Variants in DYRK3 observed in about 807,000 individuals in gnomAD.
The protein encoded by DYRK3 is dual specificity tyrosine phosphorylation regulated kinase 3.
A neutral mutation model predicts 40.8 loss-of-function variants in DYRK3; 30 were observed. The ratio of observed to expected loss-of-function variants is 0.74; its 90% CI spans 0.55 to 1.00. DYRK3 has a LOEUF of 1.00. DYRK3 is among the 50% of genes least tolerant of loss of function. The pLI is 0.00. For missense variants in DYRK3, 699 were observed against 731.5 expected, an observed-to-expected ratio of 0.96 and a Z score of 0.51; for synonymous variants, 272 against 260.7, an observed-to-expected ratio of 1.04 and a Z score of -0.42.
chr1:206,635,979 G>T lies in DYRK3; in HGVS notation c.77+199G>T, dbSNP rs1553418254. On this transcript the variant is annotated intron_variant, in intron 1 of 2. Coordinates refer to ENST00000367109, the MANE Select transcript of DYRK3 (RefSeq NM_003582.4). ...CCCCCATCCCTGTCTCACCGGGCGCGGGGGACGGGGCTAGAGCGGAGTTAG... is the reference window on the plus strand; with the variant it reads ...CCCCCATCCCTGTCTCACCGGGCGCTGGGGACGGGGCTAGAGCGGAGTTAG... The T allele has an allele frequency of 1.0e-5, 14 of 1,341,716 alleles. No individual in the cohort carries two copies. The South Asian group carries it at 2.6e-4, about 25-fold the overall frequency. The allele number at this position is 1,341,716 out of a possible 1,614,324, so 83.1% of individuals were successfully genotyped here. A position where few individuals can be genotyped will look rare whatever the true frequency, so the allele number is the denominator to read the frequency against.
At position 206,644,031 on chromosome 1, in the gene DYRK3, C is replaced by CTTTTTTTTTTTTTTTTTT. The variant is rs556718022; in HGVS notation, c.190-3353_190-3336dup. On this transcript the variant is annotated intron_variant, in intron 2 of 2. Transcript: ENST00000367109. Reference sequence around the variant, plus strand: ...TCAGGAAGGCAACAGGGACCTACAGCTTTTTTTTTTTTTTTTTTTTTGAGA... The same window carrying CTTTTTTTTTTTTTTTTTT: ...TCAGGAAGGCAACAGGGACCTACAGCTTTTTTTTTTTTTTTTTTTTTTTTTTTTTTTTTTTTTTTGAGA... Among the ~76,000 whole-genome samples, 42 of 101,056 alleles carry CTTTTTTTTTTTTTTTTTT rather than the reference C, an allele frequency of 4.2e-4. 5 individuals are homozygous for CTTTTTTTTTTTTTTTTTT. The highest frequency in any genetic ancestry group is 1.0e-3 in the African/African-American group (27 of 26,454). 66.3% of individuals were successfully genotyped at this position (101,056 alleles called of 152,430 possible). A position where few individuals can be genotyped will look rare whatever the true frequency, so the allele number is the denominator to read the frequency against.
Position 206,637,654 on chromosome 1 carries a change from G to C in DYRK3, c.82G>C (p.Gly28Arg). Residue 28 changes from glycine (G) to arginine (R), a missense_variant, in exon 2 of 3, where the codon GGG (glycine) becomes CGG (arginine). Gly to Arg is a moderately radical substitution (Grantham distance 125, BLOSUM62 -2). Coordinates refer to ENST00000367109, the MANE Select transcript of DYRK3 (RefSeq NM_003582.4). ...AGLPPQQRRLGDGVYDTFMMI... is the reference protein window; with the variant it reads ...AGLPPQQRRLRDGVYDTFMMI... ...GTCTGTAATCCTTTTAACTAGGTTG[G>C]GGGATGGTGTCTATGACACCTTCAT... 6.2e-7 allele frequency: 1 copy of C among 1,609,584 alleles called. No homozygotes were observed. The highest frequency in any genetic ancestry group is 1.1e-5 in the South Asian group (1 of 90,840).
chr1:206,644,930 A>G (rs1671407520), intron 2 of DYRK3, among the ~76,000 whole-genome samples: 1 of 152,202 alleles, frequency 6.6e-6, no homozygotes, highest in Admixed American at 6.5e-5. Context: ...GTACTTGGGC[A>G]ATATCTGGCC....
rs1553420834 is a variant in DYRK3 at position 206,648,710 on chromosome 1, C to T, written c.1512C>T (p.His504=). ...LFIEFLKRCL[H]WDPSARLTPA... ...TAGAGTTCTTGAAAAGGTGTCTTCA[C>T]TGGGACCCCTCTGCCCGCTTGACCC... Residue 504 remains histidine (H), a synonymous_variant, in exon 3 of 3, where the codon CAC becomes CAT. Transcript: ENST00000367109. The T allele has an allele frequency of 6.2e-7, 1 of 1,614,044 alleles. No homozygotes were observed. The highest frequency in any genetic ancestry group is 8.5e-7 in the Non-Finnish European group (1 of 1,179,938).
rs781794386 is a variant in DYRK3 at position 206,648,448 on chromosome 1, A to G, written c.1250A>G (p.Gln417Arg). The change falls in exon 3 of 3, where the codon CAG becomes CGG. Residue 417 changes from glutamine to arginine, a missense_variant. By Grantham distance (43) the Gln-to-Arg change is conservative. Coordinates refer to ENST00000367109, the MANE Select transcript of DYRK3 (RefSeq NM_003582.4). ...TTCCCTGGAGAGGATGAAGGAGACC[A>G]GTTGGCCTGCATGATGGAGCTTCTA... ...PLFPGEDEGD[Q>R]LACMMELLGM... is the part of the protein sequence containing the mutation. 4 of 1,614,208 alleles carry G rather than the reference A, an allele frequency of 2.5e-6. No homozygotes were observed. In the Admixed American group the frequency reaches 6.7e-5, roughly 27 times the overall value.
At chr1:206,642,719 T>C (rs562767587) in intron 2 of DYRK3, among the ~76,000 whole-genome samples, 81 of 152,068 alleles carry the variant, frequency 5.3e-4, no homozygotes, top group African/African-American at 1.8e-3. Context: ...TAGGTGCGAA[T>C]TGAACAATGA....
At chr1:206,640,543 C>G (rs1671258352) in intron 2 of DYRK3, among the ~76,000 whole-genome samples, 1 of 121,952 alleles carries the variant, frequency 8.2e-6, no homozygotes, top group African/African-American at 3.1e-5. Flanking sequence ...AATTTCTCAG[C>G]AAGATTTTTT....
At chr1:206,645,528 T>A (rs2102339644) in intron 2 of DYRK3, among the ~76,000 whole-genome samples, 1 of 152,330 alleles carries the variant, frequency 6.6e-6, no homozygotes, top group African/African-American at 2.4e-5. Context: ...TATTTTATTT[T>A]TTTGAGACAG....
intron 2 of DYRK3, among the ~76,000 whole-genome samples, chr1:206,639,354 G>T (rs959917126): frequency 1.3e-5 from 2 of 151,830 alleles, no homozygotes; most frequent in Non-Finnish European, 2.9e-5. Context: ...TATACATCTT[G>T]TGTTGCCCAT....
chr1:206,654,798 G>T lies in DYRK3; in HGVS notation c.*5833G>T, dbSNP rs1671712028. On this transcript the variant is annotated 3_prime_UTR_variant, in exon 3 of 3. Transcript: ENST00000367109. ...ATCGTCTAGACTTTGAAGAAGCAGG[G>T]TATGATTCTTAATATAGCCCACCCA... Among the ~76,000 whole-genome samples the T allele has an allele frequency of 6.6e-6, 1 of 152,204 alleles. No individual in the cohort carries two copies. Among genetic ancestry groups the T allele is most frequent in the Non-Finnish European group, 1.5e-5 (1 of 68,038 alleles).
chr1:206,643,625 A>AAC (rs1396523073), intron 2 of DYRK3, among the ~76,000 whole-genome samples: 1 of 152,198 alleles, frequency 6.6e-6, no homozygotes, highest in African/African-American at 2.4e-5. Context: ...ATGGAGAGGT[A>AAC]ACACAGTACA....
At chr1:206,639,966 G>A (rs1246321580) in intron 2 of DYRK3, among the ~76,000 whole-genome samples, 4 of 116,684 alleles carry the variant, frequency 3.4e-5, no homozygotes, top group East Asian at 2.5e-4. Flanking sequence ...ACCGAGTCTC[G>A]CTCTCTCGCC....
At position 206,648,415 on chromosome 1, in the gene DYRK3, A is replaced by G. The variant is rs1671530365; in HGVS notation, c.1217A>G (p.Gln406Arg). The G allele has an allele frequency of 6.2e-7, 1 of 1,614,186 alleles. No homozygotes were observed. The highest frequency in any genetic ancestry group is 8.5e-7 in the Non-Finnish European group (1 of 1,180,028). ...GCILAELLTG[Q>R]PLFPGEDEGD... ...ATCCTTGCAGAACTTTTAACAGGAC[A>G]GCCTCTCTTCCCTGGAGAGGATGAA... The change falls in exon 3 of 3, where the codon CAG (glutamine) becomes CGG (arginine). Residue 406 changes from glutamine to arginine, a missense_variant. By Grantham distance (43) the Gln-to-Arg change is conservative. Coordinates refer to ENST00000367109, the MANE Select transcript of DYRK3 (RefSeq NM_003582.4).
chr1:206,638,927 T>A (rs1553418842), intron 2 of DYRK3, among the ~76,000 whole-genome samples: 1 of 150,192 alleles, frequency 6.7e-6, no homozygotes, highest in Non-Finnish European at 1.5e-5. Flanking sequence ...TCTTCCAGGC[T>A]GGAGTGCAGT....
intron 2 of DYRK3, among the ~76,000 whole-genome samples, chr1:206,646,531 T>C (rs1671460166): frequency 6.6e-6 from 1 of 152,192 alleles, no homozygotes; most frequent in Non-Finnish European, 1.5e-5. Context: ...CTCACTGTTA[T>C]CAGGTACTTG....
At chr1:206,647,237 A>G (rs1313322705) in intron 2 of DYRK3, 151 bp from the exon 3 acceptor site, 3 of 776,020 alleles carry the variant, frequency 3.9e-6, no homozygotes, top group Non-Finnish European at 6.0e-6. Flanking sequence ...AAGTTGCTAG[A>G]GACTCTTGCT....
rs782758295 is a variant in DYRK3, at chr1:206,647,820, C to T, written c.622C>T (p.Arg208Ter). Residue 208 changes from arginine (R) to a stop codon, truncating the protein, a stop_gained, in exon 3 of 3, where the codon CGA (arginine) becomes TGA (stop). Coordinates refer to ENST00000367109, the MANE Select transcript of DYRK3 (RefSeq NM_003582.4). LOFTEE classifies it high-confidence loss of function. ...IHVPRDHLAY[R>*]YEVLKIIGKG... ...TGTACCTCGAGACCATCTAGCTTAT[C>T]GATATGAGGTGCTGAAAATTATTGG... 8.1e-6 allele frequency: 13 copies of T among 1,613,872 alleles called. No homozygotes were observed. The highest frequency in any genetic ancestry group is 3.3e-5 in the South Asian group (3 of 91,068).
rs782388724 is a variant in DYRK3, at chr1:206,648,727, G to C, written c.1529G>C (p.Arg510Pro). ...KRCLHWDPSARLTPAQALRHP... is the reference protein window; with the variant it reads ...KRCLHWDPSAPLTPAQALRHP... ...TGTCTTCACTGGGACCCCTCTGCCC[G>C]CTTGACCCCAGCTCAAGCATTAAGA... Residue 510 changes from arginine (R) to proline (P), a missense_variant, in exon 3 of 3, where the codon CGC (arginine) becomes CCC (proline). By Grantham distance (103) the Arg-to-Pro change is moderately radical. Transcript: ENST00000367109. 2 of 1,613,918 alleles carry C rather than the reference G, an allele frequency of 1.2e-6. No individual in the cohort carries two copies. Among genetic ancestry groups the C allele is most frequent in the South Asian group, 2.2e-5 (2 of 91,076 alleles).
Position 206,647,606 on chromosome 1 carries a change from C to A in DYRK3, c.408C>A (p.Pro136=), listed in dbSNP as rs1553420336. Residue 136 remains proline (P), a synonymous_variant, in exon 3 of 3, where the codon CCC becomes CCA. Transcript: ENST00000367109. ...TVKSNSSSKA[P]KVVPLTPEQA... ...AATCCAACAGTTCATCCAAGGCACC[C>A]AAAGTGGTGCCTCTGACTCCAGAAC... 5.6e-6 allele frequency: 9 copies of A among 1,614,030 alleles called. No individual in the cohort carries two copies. The highest frequency in any genetic ancestry group is 3.3e-4 in the Middle Eastern group (2 of 6,084).
Sources: allele counts gnomAD v4.1 joint callset (sites outside exome capture counted in the v4.1 genomes callset), GRCh38; gene constraint gnomAD v4.1.1; transcripts MANE v1.5; gene names NCBI Gene and HGNC (gene_info 2026-07-23, HGNC 2026-07-21).